The following CD300LB variants were observed in gnomAD, a reference collection of about 807,000 sequenced individuals.
CD300LB encodes the protein CMRF35-like molecule 7.
A neutral mutation model predicts 20.8 loss-of-function variants in CD300LB; 18 were observed. That is an observed-to-expected ratio of 0.87 (90% CI 0.60 to 1.28). CD300LB has a LOEUF of 1.28. Ranked by LOEUF, CD300LB falls within the 50% of genes most tolerant of loss-of-function variation. The pLI, the probability that CD300LB is intolerant of heterozygous loss-of-function variation, is 0.00. For missense variants in CD300LB, 222 were observed against 251.8 expected (o/e 0.88, Z 0.80); for synonymous variants, 91 against 91.3 (o/e 1.00, Z 0.02).
intron 1 of CD300LB, among the ~76,000 whole-genome samples, chr17:74,529,717 G>T (rs1908143460): frequency 6.6e-6 from 1 of 152,164 alleles, no homozygotes; most frequent in African/African-American, 2.4e-5. Flanking sequence ...TCGAACCTGG[G>T]AGGCGGAGGT....
At chr17:74,525,291 ACAGC>A (rs1269008415) in intron 2 of CD300LB, among the ~76,000 whole-genome samples, 1 of 152,118 alleles carries the variant, frequency 6.6e-6, no homozygotes, top group Admixed American at 6.6e-5. Context: ...CTCATCTTAC[ACAGC>A]CAGATAAAGT....
intron 1 of CD300LB, among the ~76,000 whole-genome samples, chr17:74,526,957 T>C (rs1908054496): frequency 6.6e-6 from 1 of 152,138 alleles, no homozygotes; most frequent in Non-Finnish European, 1.5e-5. Flanking sequence ...TCCATTTCCA[T>C]GGCTTTAATG....
rs1308483370 is a variant in CD300LB at position 74,521,875 on chromosome 17, A to T, written c.*863T>A. On this transcript the variant is annotated 3_prime_UTR_variant, in exon 4 of 4. Coordinates refer to ENST00000392621, the MANE Select transcript of CD300LB (RefSeq NM_174892.4). Reference sequence around the variant, plus strand: ...GAACCACTTCCCTAGGACAGTTTTCATTAGTAACATGATTTCAACATCACC... The same window carrying T: ...GAACCACTTCCCTAGGACAGTTTTCTTTAGTAACATGATTTCAACATCACC... 6 of 985,342 alleles carry T rather than the reference A, an allele frequency of 6.1e-6. No individual in the cohort carries two copies. In the African/African-American group the frequency reaches 1.0e-4, roughly 17 times the overall value. The allele number at this position is 985,342 out of a possible 1,614,324, so 61.0% of individuals were successfully genotyped here.
In CD300LB at chr17:74,525,837, A is replaced by G; in HGVS notation, c.281T>C (p.Leu94Pro). The part of the protein sequence containing the change: ...DRTFTVTMEG[L>P]RRDDADVYWC... ...GTAAACATCTGCGTCATCTCGCCTG[A>G]GCCCCTCCATGGTCACAGTGAACGT... The change falls in exon 2 of 4, where the codon CTC (leucine) becomes CCC (proline). Residue 94 changes from leucine (L) to proline (P), a missense_variant. By Grantham distance (98) the Leu-to-Pro change is moderately conservative (BLOSUM62 -3). Coordinates refer to ENST00000392621, the MANE Select transcript of CD300LB (RefSeq NM_174892.4). 6.2e-7 allele frequency: 1 copy of G among 1,614,066 alleles called. No homozygotes were observed.
chr17:74,523,414 G>A, intron 3 of CD300LB, 165 bp downstream of exon 3: 1 of 630,900 alleles, frequency 1.6e-6, no homozygotes, highest in South Asian at 1.7e-5. Context: ...TGGGGAGATG[G>A]TGGATTGCAG....
rs34476542 is a variant in CD300LB, at chr17:74,525,617, G to GTCTC, written c.370+130_370+131insGAGA. On this transcript the variant is annotated intron_variant, in intron 2 of 3. Transcript: ENST00000392621. ...AGTCAGTTTGTCTGCCTGTCTGTCT[G>GTCTC]TCTGTCTCTCTCTCTCTCTCTCTTA... The GTCTC allele has an allele frequency of 2.3e-4, 184 of 788,592 alleles. No individual in the cohort carries two copies. The African/African-American group carries it at 2.4e-3, about 10-fold the overall frequency. The allele number at this position is 788,592 out of a possible 1,614,324, so 48.8% of individuals were successfully genotyped here.
intron 1 of CD300LB, among the ~76,000 whole-genome samples, chr17:74,530,774 A>G (rs1290751599): frequency 6.6e-6 from 1 of 151,920 alleles, no homozygotes; most frequent in Non-Finnish European, 1.5e-5. Flanking sequence ...GTTTATGTGT[A>G]TGTCTCACCC....
Position 74,521,281 on chromosome 17 carries a change from G to A in CD300LB, c.*1457C>T. ...GTCCCCTCGCCCCTGAGTCCAGCTG[G>A]TGAAGCACCATGCTTTGGCTTTCCC... On this transcript the variant is annotated 3_prime_UTR_variant, in exon 4 of 4. Coordinates refer to ENST00000392621, the MANE Select transcript of CD300LB (RefSeq NM_174892.4). The A allele has an allele frequency of 1.1e-6, 1 of 877,266 alleles. No individual in the cohort carries two copies. Among genetic ancestry groups the A allele is most frequent in the Non-Finnish European group, 1.4e-6 (1 of 731,212 alleles). 54.3% of individuals were successfully genotyped at this position (877,266 alleles called of 1,614,324 possible). A position where few individuals can be genotyped will look rare whatever the true frequency, so the allele number is the denominator to read the frequency against.
At position 74,525,809 on chromosome 17, in the gene CD300LB, C is replaced by A. The variant is rs1908012951; in HGVS notation, c.309G>T (p.Trp103Cys). 6.2e-7 allele frequency: 1 copy of A among 1,614,056 alleles called. No individual in the cohort carries two copies. The highest frequency in any genetic ancestry group is 1.3e-5 in the African/African-American group (1 of 74,914). ...CAGGTCCTCTTCTTTCAATCCCACA[C>A]CAGTAAACATCTGCGTCATCTCGCC... ...GLRRDDADVY[W>C]CGIERRGPDL... Residue 103 changes from tryptophan to cysteine, a missense_variant, in exon 2 of 4, where the codon TGG (tryptophan) becomes TGT (cysteine). Trp to Cys is a radical substitution (Grantham distance 215). Coordinates refer to ENST00000392621, the MANE Select transcript of CD300LB (RefSeq NM_174892.4).
chr17:74,528,914 T>C (rs991064802), intron 1 of CD300LB, among the ~76,000 whole-genome samples: 1 of 151,982 alleles, frequency 6.6e-6, no homozygotes, highest in Non-Finnish European at 1.5e-5. Context: ...GGAGGATCGC[T>C]TGAGCCCAGG....
chr17:74,524,466 T>C (rs1209808829), intron 2 of CD300LB, among the ~76,000 whole-genome samples: 1 of 152,086 alleles, frequency 6.6e-6, no homozygotes, highest in Non-Finnish European at 1.5e-5. Flanking sequence ...TGTGCCCCTG[T>C]AGTCCCAGCT....
Position 74,521,644 on chromosome 17 carries a change from G to A in CD300LB, c.*1094C>T. On this transcript the variant is annotated 3_prime_UTR_variant, in exon 4 of 4. Coordinates refer to ENST00000392621, the MANE Select transcript of CD300LB (RefSeq NM_174892.4). ...TGCTGACAGTCAGTACTCCCTATTA[G>A]AACCAAGAGCAGGTTGGAGGCGTCC... is the stretch of plus-strand genomic sequence containing the variant. 1 of 985,452 alleles carries A rather than the reference G, an allele frequency of 1.0e-6. No individual in the cohort carries two copies. The allele number at this position is 985,452 out of a possible 1,614,324, so 61.0% of individuals were successfully genotyped here.
chr17:74,522,835 A>G lies in CD300LB; in HGVS notation c.509T>C (p.Leu170Pro). Reference sequence around the variant, plus strand: ...GACCCTCTGAGACCCCTTCAACCAGAGGATGGCAGTGACCAAGATGAGCAA... The same window carrying G: ...GACCCTCTGAGACCCCTTCAACCAGGGGATGGCAGTGACCAAGATGAGCAA... ...PILLILVTAI[L>P]WLKGSQRVPE... Residue 170 changes from leucine to proline, a missense_variant, in exon 4 of 4, where the codon CTC becomes CCC. Coordinates refer to ENST00000392621, the MANE Select transcript of CD300LB (RefSeq NM_174892.4). The G allele has an allele frequency of 6.2e-7, 1 of 1,614,094 alleles. No homozygotes were observed. The highest frequency in any genetic ancestry group is 8.5e-7 in the Non-Finnish European group (1 of 1,180,010).
chr17:74,523,496 G>C, intron 3 of CD300LB, 83 bp downstream of exon 3: 1 of 941,032 alleles, frequency 1.1e-6, no homozygotes, highest in Non-Finnish European at 1.8e-6. Flanking sequence ...GCTGGCATTT[G>C]GTGACAGGCA....
chr17:74,530,869 G>T (rs920099099), intron 1 of CD300LB, among the ~76,000 whole-genome samples: 1 of 151,798 alleles, frequency 6.6e-6, no homozygotes, highest in African/African-American at 2.4e-5. Flanking sequence ...GCTGTGGTGC[G>T]ATCATAACTC....
In CD300LB at chr17:74,521,578, T is replaced by C; in HGVS notation, c.*1160A>G. On this transcript the variant is annotated 3_prime_UTR_variant, in exon 4 of 4. Transcript: ENST00000392621. ...GGACAAGAAGAGGGGAGGCTCTGGG[T>C]GCCATGCTAGGGACCAGAGGGTCCC... 3 of 985,458 alleles carry C rather than the reference T, an allele frequency of 3.0e-6. No individual in the cohort carries two copies. The highest frequency in any genetic ancestry group is 3.6e-6 in the Non-Finnish European group (3 of 829,950). 61.0% of individuals were successfully genotyped at this position (985,458 alleles called of 1,614,324 possible). A position where few individuals can be genotyped will look rare whatever the true frequency, so the allele number is the denominator to read the frequency against.
chr17:74,528,741 G>T (rs1346247578), intron 1 of CD300LB, among the ~76,000 whole-genome samples: 1 of 152,076 alleles, frequency 6.6e-6, no homozygotes, highest in Non-Finnish European at 1.5e-5. Context: ...TGAACTAGTT[G>T]GGAAACCCTG....
Position 74,521,986 on chromosome 17 carries a change from T to C in CD300LB, c.*752A>G, listed in dbSNP as rs1277385833. 1.5e-5 allele frequency: 15 copies of C among 985,330 alleles called. 1 individual carries two copies. In the South Asian group the frequency reaches 3.8e-4, roughly 25 times the overall value. 61.0% of individuals were successfully genotyped at this position (985,330 alleles called of 1,614,324 possible). On this transcript the variant is annotated 3_prime_UTR_variant, in exon 4 of 4. Transcript: ENST00000392621. ...GGTTCTTGAGGCCTGACAGGCTCTT[T>C]TGGGGAGGAGACCCAAGCTGTCATG...
intron 2 of CD300LB, among the ~76,000 whole-genome samples, chr17:74,525,164 G>A (rs1907992488): frequency 6.6e-6 from 1 of 152,132 alleles, no homozygotes; most frequent in African/African-American, 2.4e-5. Context: ...CCAAGGCATG[G>A]AGGAGAAGCC....
Sources: allele counts gnomAD v4.1 joint callset (sites outside exome capture counted in the v4.1 genomes callset), GRCh38; gene constraint gnomAD v4.1.1; transcripts MANE v1.5; gene names NCBI Gene and HGNC (gene_info 2026-07-23, HGNC 2026-07-21).